Variants in NOC3L observed in about 807,000 individuals in gnomAD.
NOC3L encodes the protein nucleolar complex protein 3 homolog.
NOC3L carries 85 observed loss-of-function variants against 102.5 expected under a neutral mutation model. The observed-to-expected ratio is 0.83, with a 90% confidence interval of 0.70 to 0.99. The LOEUF is 0.99. NOC3L is among the 50% of genes least tolerant of loss of function. The pLI is 0.00. For missense variants in NOC3L, 878 were observed against 914.9 expected, an observed-to-expected ratio of 0.96 and a Z score of 0.52; for synonymous variants, 303 against 309.4, an observed-to-expected ratio of 0.98 and a Z score of 0.22.
At chr10:94,333,183 T>C (rs2054178931), downstream of NOC3L, 1 of 152,178 alleles carries the variant, frequency 6.6e-6, no homozygotes, top group Non-Finnish European at 1.5e-5. Context: ...TCTCTTTAGT[T>C]GGACTGCTGT....
At chr10:94,338,575 C>A in intron 18 of NOC3L, 33 bp downstream of exon 18, 1 of 1,463,528 alleles carries the variant, frequency 6.8e-7, no homozygotes, top group South Asian at 1.6e-5. Flanking sequence ...TCACAAACAT[C>A]CCCAAAAAGA....
At chr10:94,334,886 A>T (rs1287895172) in intron 19 of NOC3L, among the ~76,000 whole-genome samples, 168 bp from the exon 20 acceptor site, 4 of 152,220 alleles carry the variant, frequency 2.6e-5, no homozygotes, top group African/African-American at 9.7e-5. Flanking sequence ...TCCCATTGTA[A>T]TGTCAACATT....
intron 11 of NOC3L, among the ~76,000 whole-genome samples, chr10:94,345,623 G>C (rs1279231028): frequency 2.0e-5 from 3 of 152,128 alleles, no homozygotes; most frequent in African/African-American, 7.2e-5. Context: ...CTTCCTAACA[G>C]AGCTATCCAA....
intron 10 of NOC3L, among the ~76,000 whole-genome samples, chr10:94,347,739 TTAAG>T: frequency 6.6e-6 from 1 of 152,094 alleles, no homozygotes; most frequent in East Asian, 1.9e-4. Flanking sequence ...AAAATTTTAC[TTAAG>T]AACATAAAAG....
In NOC3L at chr10:94,349,251, T is replaced by C; in HGVS notation, c.1256A>G (p.Glu419Gly). Reference protein sequence around the residue: ...VKGRNYEVRPEMLKTFLCLRI... With the variant: ...VKGRNYEVRPGMLKTFLCLRI... ...CAAAGTAAAAAAAAAAAGGCTCACC[T>C]CTGGCCTAACTTCGTAATTTCTGCC... The change falls in exon 10 of 21, where the codon GAG becomes GGG. Residue 419 changes from glutamate (E) to glycine (G), a missense_variant and splice_region_variant. Glu to Gly is a moderately conservative substitution (Grantham distance 98). Transcript: ENST00000371361. The C allele has an allele frequency of 6.4e-7, 1 of 1,565,048 alleles. No individual in the cohort carries two copies. Among genetic ancestry groups the C allele is most frequent in the Non-Finnish European group, 8.6e-7 (1 of 1,165,198 alleles).
At chr10:94,351,624 C>T (rs973199487) in intron 8 of NOC3L, among the ~76,000 whole-genome samples, 1 of 152,078 alleles carries the variant, frequency 6.6e-6, no homozygotes, top group African/African-American at 2.4e-5. Context: ...AACTTCTGGA[C>T]TCAAGTGATC....
In NOC3L at chr10:94,349,721, G is replaced by GGA. The variant is rs1554924570; in HGVS notation, c.1129-344_1129-343insTC. On this transcript the variant is annotated intron_variant, in intron 9 of 20. Coordinates refer to ENST00000371361, the MANE Select transcript of NOC3L (RefSeq NM_022451.11). ...TAACTTCAGAAGAATTTTGTAGGGG[G>GGA]AAAAAAATCACATGGTGTATAATTT... is the stretch of plus-strand genomic sequence containing the variant. Among the ~76,000 whole-genome samples, 842 of 152,018 alleles carry GGA rather than the reference G, an allele frequency of 5.5e-3. 9 individuals carry two copies. The highest frequency in any genetic ancestry group is 0.019 in the African/African-American group (799 of 41,460).
chr10:94,350,167 A>G lies in NOC3L; in HGVS notation c.1074T>C (p.Phe358=). The part of the protein sequence containing the change: ...ELLVALPHFN[F]HNNIIVLIVP... ...CAATCAATACGATGATGTTGTTGTG[A>G]AAGTTAAAATGAGGTAGTGCCACCA... The change falls in exon 9 of 21, where the codon TTT becomes TTC. Residue 358 remains phenylalanine (F), a synonymous_variant. Coordinates refer to ENST00000371361, the MANE Select transcript of NOC3L (RefSeq NM_022451.11). 2 of 1,614,198 alleles carry G rather than the reference A, an allele frequency of 1.2e-6. No individual in the cohort carries two copies. Among genetic ancestry groups the G allele is most frequent in the East Asian group, 2.2e-5 (1 of 44,890 alleles).
Position 94,357,342 on chromosome 10 carries a change from A to C in NOC3L, c.351-11T>G. On this transcript the variant is annotated splice_polypyrimidine_tract_variant and intron_variant, in intron 3 of 20. Transcript: ENST00000371361. Reference sequence around the variant, plus strand: ...GCATGAACAGGCTCACTGCAGGGGAAAAAAAGATCAATTTTCAGTCTTAAT... The same window carrying C: ...GCATGAACAGGCTCACTGCAGGGGACAAAAAGATCAATTTTCAGTCTTAAT... 6.4e-7 allele frequency: 1 copy of C among 1,552,708 alleles called. No individual in the cohort carries two copies. Among genetic ancestry groups the C allele is most frequent in the Non-Finnish European group, 8.7e-7 (1 of 1,152,922 alleles).
chr10:94,316,515 C>G, the NOC3L span: 4 of 1,433,596 alleles, frequency 2.8e-6, no homozygotes, highest in Non-Finnish European at 3.9e-6. Context: ...GTTTTTGCCT[C>G]ACTCCTCAGT....
chr10:94,315,760 ACT>A, the NOC3L span, among the ~76,000 whole-genome samples: 1 of 101,400 alleles, frequency 9.9e-6, no homozygotes, highest in Non-Finnish European at 2.0e-5. Flanking sequence ...ACAGAGGGAG[ACT>A]CTGTCTCAAA....
At chr10:94,353,254 C>A (rs1048081156) in intron 6 of NOC3L, among the ~76,000 whole-genome samples, 197 bp from the exon 7 acceptor site, 2 of 152,106 alleles carry the variant, frequency 1.3e-5, no homozygotes, top group African/African-American at 2.4e-5. Flanking sequence ...TGTATTAGTC[C>A]GTTCTTGTAT....
At chr10:94,340,564 T>A in intron 14 of NOC3L, 68 bp from the exon 15 acceptor site, 1 of 1,361,342 alleles carries the variant, frequency 7.3e-7, no homozygotes, top group Non-Finnish European at 1.0e-6. Flanking sequence ...TTTATAGCTT[T>A]AAAAAAGAAC....
At chr10:94,327,482 G>A in the NOC3L span, among the ~76,000 whole-genome samples, 3 of 152,198 alleles carry the variant, frequency 2.0e-5, no homozygotes, top group South Asian at 6.2e-4. Flanking sequence ...GGCTGAGGCA[G>A]GAGAATTGCT....
downstream of NOC3L, chr10:94,328,236 T>C (rs1276014778): frequency 3.6e-6 from 1 of 274,520 alleles, no homozygotes; most frequent in Non-Finnish European, 7.6e-6. Flanking sequence ...CAAGCTTGTC[T>C]GTAAAGGGCC....
Position 94,358,294 on chromosome 10 carries a change from A to G in NOC3L, c.218-79T>C, listed in dbSNP as rs935358402. The stretch of plus-strand genomic sequence containing the variant: ...GTAGAACTCTCTGCATTTTGGGTTT[A>G]AACAGGAAAAGCTTACGCTTTCTGA... On this transcript the variant is annotated intron_variant, in intron 2 of 20. Transcript: ENST00000371361. 3 of 810,366 alleles carry G rather than the reference A, an allele frequency of 3.7e-6. No individual in the cohort carries two copies. In the African/African-American group the frequency reaches 5.1e-5, roughly 14 times the overall value. The allele number at this position is 810,366 out of a possible 1,614,324, so 50.2% of individuals were successfully genotyped here.
the NOC3L span, among the ~76,000 whole-genome samples, chr10:94,318,465 T>C: frequency 6.6e-6 from 1 of 152,220 alleles, no homozygotes; most frequent in Non-Finnish European, 1.5e-5. Context: ...TGTTGAATGA[T>C]ATAATGGAAA....
In NOC3L at chr10:94,350,304, C is replaced by T; in HGVS notation, c.953-16G>A. On this transcript the variant is annotated splice_polypyrimidine_tract_variant and intron_variant, in intron 8 of 20. Coordinates refer to ENST00000371361, the MANE Select transcript of NOC3L (RefSeq NM_022451.11). ...TGCTTCCAATCTAATCAAAAGATAA[C>T]TGTAGTTACTTTACTCATTGGTCAA... 2 of 1,609,564 alleles carry T rather than the reference C, an allele frequency of 1.2e-6. No individual in the cohort carries two copies. The highest frequency in any genetic ancestry group is 1.7e-6 in the Non-Finnish European group (2 of 1,176,260).
Position 94,357,327 on chromosome 10 carries a change from G to C in NOC3L, c.355C>G (p.Pro119Ala), listed in dbSNP as rs45484894. The C allele has an allele frequency of 2.1e-3, 3,352 of 1,584,544 alleles. 8 individuals are homozygous for C. Among genetic ancestry groups the C allele is most frequent in the Non-Finnish European group, 2.5e-3 (2,940 of 1,166,618 alleles). Residue 119 changes from proline (P) to alanine (A), a missense_variant, in exon 4 of 21, where the codon CCT (proline) becomes GCT (alanine). By Grantham distance (27) the Pro-to-Ala change is conservative. Transcript: ENST00000371361. ...TGCTTCCGTTTCTTCGCATGAACAG[G>C]CTCACTGCAGGGGAAAAAAAGATCA... Reference protein sequence around the residue: ...FLTRDLSSSEPVHAKKRKHER... With the variant: ...FLTRDLSSSEAVHAKKRKHER...
Sources: gnomAD v4.1 joint callset for allele counts (sites outside exome capture counted in the v4.1 genomes callset) on GRCh38, gnomAD v4.1.1 for gene constraint, MANE v1.5 for transcripts, NCBI Gene and HGNC (gene_info 2026-07-23, HGNC 2026-07-21) for gene names.